ARHGAP31: variants seen among roughly 807,000 people sequenced by gnomAD.
ARHGAP31 encodes the protein Rho GTPase activating protein 31.
ARHGAP31 carries 34 observed loss-of-function variants against 113.9 expected under a neutral mutation model. The observed-to-expected ratio is 0.30, with a 90% confidence interval of 0.23 to 0.40. ARHGAP31 has a LOEUF of 0.40. ARHGAP31 is among the 10% of genes least tolerant of loss of function. ARHGAP31 has a pLI of 1.00. For synonymous variants in ARHGAP31, 650 were observed against 684.8 expected, an observed-to-expected ratio of 0.95 and a Z score of 0.79; for missense variants, 1,548 against 1,767.1, an observed-to-expected ratio of 0.88 and a Z score of 2.22.
At chr3:119,379,763 G>GA (rs34162111) in intron 3 of ARHGAP31, among the ~76,000 whole-genome samples, 7,084 of 152,138 alleles carry the variant, frequency 0.047, 328 homozygotes, top group Admixed American at 0.15. Context: ...GTATACATAT[G>GA]AAAAAAACTC....
At chr3:119,325,347 C>A (rs1262195212) in intron 1 of ARHGAP31, among the ~76,000 whole-genome samples, 5 of 152,198 alleles carry the variant, frequency 3.3e-5, no homozygotes, top group African/African-American at 2.4e-5. Flanking sequence ...GAAACACATT[C>A]ACATATCATC....
intron 1 of ARHGAP31, among the ~76,000 whole-genome samples, chr3:119,359,583 A>C (rs1375477432): frequency 6.6e-6 from 1 of 152,150 alleles, no homozygotes; most frequent in Non-Finnish European, 1.5e-5. Flanking sequence ...AAGGAGACTC[A>C]GAGGGAAAAT....
At chr3:119,307,952 A>AAAAAAG (rs1324027785) in intron 1 of ARHGAP31, among the ~76,000 whole-genome samples, 1 of 148,802 alleles carries the variant, frequency 6.7e-6, no homozygotes, top group Non-Finnish European at 1.5e-5. Flanking sequence ...AAAAAAAAAA[A>AAAAAAG]AAAAAAAAGC....
chr3:119,316,252 G>A (rs2079729416), intron 1 of ARHGAP31, among the ~76,000 whole-genome samples: 1 of 152,184 alleles, frequency 6.6e-6, no homozygotes, highest in Non-Finnish European at 1.5e-5. Context: ...CAAGACAATG[G>A]ATGCAAAAAC....
intron 10 of ARHGAP31, among the ~76,000 whole-genome samples, chr3:119,408,530 A>C (rs997972471): frequency 6.6e-6 from 1 of 152,202 alleles, no homozygotes; most frequent in Non-Finnish European, 1.5e-5. Context: ...AGACACTGCT[A>C]TATGCTTTGT....
rs1378533603 is a variant in ARHGAP31 at position 119,402,331 on chromosome 3, T to A, written c.1579T>A (p.Phe527Ile). ...QSLSSLEEFS[F>I]HGSESGGWPE... Reference sequence around the variant, plus strand: ...TCTTTCCAGCCTGGAAGAGTTTTCTTTTCATGGATCAGAGAGCGGAGGCTG... The same window carrying A: ...TCTTTCCAGCCTGGAAGAGTTTTCTATTCATGGATCAGAGAGCGGAGGCTG... Residue 527 changes from phenylalanine (F) to isoleucine (I), a missense_variant, in exon 10 of 12, where the codon TTT (phenylalanine) becomes ATT (isoleucine). Transcript: ENST00000264245. 6.2e-7 allele frequency: 1 copy of A among 1,614,066 alleles called. No homozygotes were observed. The highest frequency in any genetic ancestry group is 8.5e-7 in the Non-Finnish European group (1 of 1,180,044).
chr3:119,300,830 C>CAAAAA (rs1180971088), intron 1 of ARHGAP31, among the ~76,000 whole-genome samples: 1 of 88,452 alleles, frequency 1.1e-5, no homozygotes, highest in Admixed American at 1.2e-4. Flanking sequence ...GACTCCATCT[C>CAAAAA]AAAAAAAAAA....
At chr3:119,299,343 CT>C (rs2079561029) in intron 1 of ARHGAP31, among the ~76,000 whole-genome samples, 1 of 152,202 alleles carries the variant, frequency 6.6e-6, no homozygotes. Flanking sequence ...AACCGTCAGC[CT>C]TTTTATTCCT....
intron 1 of ARHGAP31, among the ~76,000 whole-genome samples, chr3:119,304,566 G>C (rs2079613270): frequency 6.6e-6 from 1 of 152,174 alleles, no homozygotes; most frequent in Non-Finnish European, 1.5e-5. Flanking sequence ...AGGGTACTTA[G>C]AGTGGTGAGG....
At chr3:119,307,975 T>C (rs1181625071) in intron 1 of ARHGAP31, among the ~76,000 whole-genome samples, 2 of 89,372 alleles carry the variant, frequency 2.2e-5, no homozygotes, top group Admixed American at 1.5e-4. Flanking sequence ...AATCTTAGGC[T>C]GTAGGAACAG....
At chr3:119,406,062 A>C (rs540177868) in intron 10 of ARHGAP31, among the ~76,000 whole-genome samples, 2 of 152,340 alleles carry the variant, frequency 1.3e-5, no homozygotes, top group South Asian at 4.1e-4. Context: ...GGAGGACCAA[A>C]GCAGGGGAGA....
intron 1 of ARHGAP31, among the ~76,000 whole-genome samples, chr3:119,307,035 G>A (rs2079636777): frequency 7.5e-6 from 1 of 133,998 alleles, no homozygotes; most frequent in African/African-American, 3.0e-5. Flanking sequence ...AAAAAACTAA[G>A]TCTGTTAGTT....
intron 1 of ARHGAP31, among the ~76,000 whole-genome samples, chr3:119,323,068 C>T (rs946682581): frequency 1.3e-5 from 2 of 152,250 alleles, no homozygotes. Context: ...GCTCGAAAGA[C>T]GGTGGCGCTG....
chr3:119,419,433 A>C lies in ARHGAP31; in HGVS notation c.*3169A>C, dbSNP rs1487162166. The C allele has an allele frequency of 6.6e-6, 1 of 152,192 alleles. No individual in the cohort carries two copies. The highest frequency in any genetic ancestry group is 1.5e-5 in the Non-Finnish European group (1 of 68,042). The allele number at this position is 152,192 out of a possible 1,614,324, so 9.4% of individuals were successfully genotyped here. A position where few individuals can be genotyped will look rare whatever the true frequency, so the allele number is the denominator to read the frequency against. ...ACCCTAAAATTCAAAATATTGTCCA[A>C]GTCAAAAGTCTAGACTCTGAGGACA... On this transcript the variant is annotated 3_prime_UTR_variant, in exon 12 of 12. Transcript: ENST00000264245.
At chr3:119,382,236 C>G in intron 4 of ARHGAP31, 56 bp from the exon 5 acceptor site, 1 of 1,462,946 alleles carries the variant, frequency 6.8e-7, no homozygotes, top group Non-Finnish European at 9.6e-7. Context: ...CTCCATATGT[C>G]AGGCTTCACA....
In ARHGAP31 at chr3:119,413,979, C is replaced by G. The variant is rs1157241673; in HGVS notation, c.2050C>G (p.Pro684Ala). The G allele has an allele frequency of 6.2e-7, 1 of 1,614,080 alleles. No homozygotes were observed. The highest frequency in any genetic ancestry group is 1.3e-5 in the African/African-American group (1 of 74,918). ...TGCTCTGAAGACCAGCCCAATTCAGCCTATTCTCGAGTCGAGTCTGGGGCC... is the reference window on the plus strand; with the variant it reads ...TGCTCTGAAGACCAGCCCAATTCAGGCTATTCTCGAGTCGAGTCTGGGGCC... ...PPALKTSPIQ[P>A]ILESSLGPFI... The change falls in exon 12 of 12, where the codon CCT becomes GCT. Residue 684 changes from proline (P) to alanine (A), a missense_variant. Pro to Ala is a conservative substitution (Grantham distance 27, BLOSUM62 -1). Coordinates refer to ENST00000264245, the MANE Select transcript of ARHGAP31 (RefSeq NM_020754.4).
intron 10 of ARHGAP31, among the ~76,000 whole-genome samples, chr3:119,406,641 A>T (rs1291668589): frequency 6.6e-6 from 1 of 152,100 alleles, no homozygotes; most frequent in Non-Finnish European, 1.5e-5. Flanking sequence ...CATGAAAGGC[A>T]CCTATCTCAG....
intron 1 of ARHGAP31, among the ~76,000 whole-genome samples, chr3:119,321,928 C>T (rs1455967025): frequency 6.6e-6 from 1 of 152,212 alleles, no homozygotes; most frequent in Non-Finnish European, 1.5e-5. Flanking sequence ...GCTGGGATTA[C>T]AGGCGTGAGC....
At chr3:119,344,805 C>T (rs924284619) in intron 1 of ARHGAP31, among the ~76,000 whole-genome samples, 1 of 151,982 alleles carries the variant, frequency 6.6e-6, no homozygotes, top group Admixed American at 6.6e-5. Flanking sequence ...TAATTTTTAC[C>T]ACCCTATGAG....
Sources: gnomAD v4.1 joint callset for allele counts (sites outside exome capture counted in the v4.1 genomes callset) on GRCh38, gnomAD v4.1.1 for gene constraint, MANE v1.5 for transcripts, NCBI Gene and HGNC (gene_info 2026-07-23, HGNC 2026-07-21) for gene names.